The following PDE4C variants were observed in gnomAD, a reference collection of about 807,000 sequenced individuals.
PDE4C encodes the protein 3',5'-cyclic-AMP phosphodiesterase 4C.
A neutral mutation model predicts 63.9 loss-of-function variants in PDE4C; 50 were observed. That is an observed-to-expected ratio of 0.78 (90% confidence interval 0.62 to 0.99). PDE4C has a LOEUF of 0.99. PDE4C is among the 50% of genes least tolerant of loss of function. The probability of loss-of-function intolerance (pLI) is 0.00; values close to 1 mark genes in which losing one functional copy is unlikely to be tolerated. For missense variants in PDE4C, 777 were observed against 899.1 expected (o/e 0.86, Z 1.74); for synonymous variants, 377 against 385.1 (o/e 0.98, Z 0.25).
At chr19:18,217,034 A>C in intron 11 of PDE4C, 139 bp from the exon 12 acceptor site, 1 of 906,140 alleles carries the variant, frequency 1.1e-6, no homozygotes, top group Non-Finnish European at 1.6e-6. Flanking sequence ...GTAAGAAACC[A>C]TCCAGGTCCC....
chr19:18,218,893 G>T (rs2148019933), intron 9 of PDE4C, 47 bp downstream of exon 9: 1 of 1,351,390 alleles, frequency 7.4e-7, no homozygotes, highest in Non-Finnish European at 1.1e-6. Flanking sequence ...AAGCAGTGAG[G>T]GAAACCCCAG....
At position 18,246,010 on chromosome 19, in the gene PDE4C, A is replaced by ATT. The variant is rs752230825; in HGVS notation, c.-210+2159_-210+2160dup. Among the ~76,000 whole-genome samples the ATT allele has an allele frequency of 4.9e-3, 625 of 127,614 alleles. 16 individuals are homozygous for ATT. The highest frequency in any genetic ancestry group is 0.016 in the African/African-American group (526 of 33,372). The allele number at this position is 127,614 out of a possible 152,430, so 83.7% of individuals were successfully genotyped here. ...AGGCACCTGCCACCATGCCCAGCTA[A>ATT]TTTTTTTTTTTTTTTTTTGAGACAG... On this transcript the variant is annotated intron_variant, in intron 1 of 15. Coordinates refer to the PDE4C transcript ENST00000594617.
At chr19:18,208,446 G>C (rs1471324575), downstream of PDE4C, 4 of 152,156 alleles carry the variant, frequency 2.6e-5, 1 homozygote, top group African/African-American at 4.8e-5. Context: ...GGGACCATCA[G>C]GGCTGGAGGA....
intron 1 of PDE4C, among the ~76,000 whole-genome samples, chr19:18,242,475 C>CAAAAAA (rs748870873): frequency 1.7e-4 from 5 of 29,808 alleles, no homozygotes; most frequent in African/African-American, 4.2e-4. Flanking sequence ...GACTCCATCT[C>CAAAAAA]AAAAAAAAAA....
At chr19:18,245,754 G>A (rs1969117240) in intron 1 of PDE4C, among the ~76,000 whole-genome samples, 1 of 152,228 alleles carries the variant, frequency 6.6e-6, no homozygotes, top group Non-Finnish European at 1.5e-5. Flanking sequence ...CATGTGGCTT[G>A]GCACACAGCG....
chr19:18,208,578 C>G (rs1378605575), downstream of PDE4C: 4 of 151,286 alleles, frequency 2.6e-5, no homozygotes, highest in African/African-American at 9.7e-5. Flanking sequence ...TTTGAGCTGG[C>G]AAGAGGACCT....
At chr19:18,226,607 T>A (rs958192526), upstream of PDE4C, 18 of 157,570 alleles carry the variant, frequency 1.1e-4, no homozygotes, top group Admixed American at 4.5e-4. Context: ...CTCTGCTCCT[T>A]TTTTTTTTTT....
chr19:18,218,031 A>C, intron 11 of PDE4C, 118 bp downstream of exon 11: 1 of 769,402 alleles, frequency 1.3e-6, no homozygotes, highest in African/African-American at 1.7e-5. Flanking sequence ...TGTCATAGTC[A>C]TTTCATAGAC....
Position 18,216,898 on chromosome 19 carries a change from G to C in PDE4C, c.1235-3C>G. 6.2e-7 allele frequency: 1 copy of C among 1,608,448 alleles called. No homozygotes were observed. The highest frequency in any genetic ancestry group is 8.5e-7 in the Non-Finnish European group (1 of 1,176,804). On this transcript the variant is annotated splice_polypyrimidine_tract_variant and splice_region_variant and intron_variant, in intron 11 of 14. Transcript: ENST00000262805. ...GTACATAAGCGCCAGCTCTGAGTCT[G>C]TGAGGGTATGGGACTGAGAGCCCCA...
chr19:18,214,374 TG>T (rs1342000311), intron 12 of PDE4C, among the ~76,000 whole-genome samples: 1 of 150,938 alleles, frequency 6.6e-6, no homozygotes. Context: ...CTGAGGACAG[TG>T]GGGAGGATGA....
downstream of PDE4C, chr19:18,210,112 C>T (rs1425572374): frequency 1.3e-5 from 2 of 152,490 alleles, no homozygotes; most frequent in East Asian, 3.8e-4. Flanking sequence ...CCTCCAACTC[C>T]TGGGCTCAAG....
chr19:18,216,998 A>C (rs1968227856), intron 11 of PDE4C, 103 bp from the exon 12 acceptor site: 2 of 1,304,918 alleles, frequency 1.5e-6, no homozygotes. Context: ...CCATGCGTTG[A>C]AGGCCCAACT....
chr19:18,228,549 G>A (rs894885248), upstream of PDE4C, among the ~76,000 whole-genome samples: 1 of 152,168 alleles, frequency 6.6e-6, no homozygotes, highest in African/African-American at 2.4e-5. Context: ...CACTGGATGC[G>A]TTAACTCATT....
chr19:18,233,894 T>TA (rs1183117118), upstream of PDE4C, among the ~76,000 whole-genome samples: 3 of 152,178 alleles, frequency 2.0e-5, no homozygotes, highest in African/African-American at 7.2e-5. Flanking sequence ...TACGTACAGA[T>TA]AGCAGTCTTT....
upstream of PDE4C, among the ~76,000 whole-genome samples, chr19:18,250,633 G>C (rs1012678114): frequency 6.6e-6 from 1 of 152,134 alleles, no homozygotes; most frequent in Non-Finnish European, 1.5e-5. Flanking sequence ...TAGAGACAGG[G>C]TCTCACTCTG....
exon 15 of PDE4C, chr19:18,211,071 T>A: frequency 6.2e-7 from 1 of 1,614,216 alleles, no homozygotes; most frequent in East Asian, 2.2e-5. Context: ...ATCCTCTTCC[T>A]CTGCCTCCTC....
chr19:18,232,866 A>G, intron 1 of PDE4C: 3 of 1,180,738 alleles, frequency 2.5e-6, no homozygotes, highest in Non-Finnish European at 3.3e-6. Flanking sequence ...CGCCCCCTGG[A>G]GAAGCAAGGA....
chr19:18,235,855 G>A (rs1968941224), upstream of PDE4C, among the ~76,000 whole-genome samples: 1 of 151,768 alleles, frequency 6.6e-6, no homozygotes, highest in African/African-American at 2.4e-5. Flanking sequence ...TATACATTCT[G>A]TTCCTTCTGC....
upstream of PDE4C, among the ~76,000 whole-genome samples, chr19:18,230,015 G>T (rs1968818195): frequency 6.6e-6 from 1 of 152,008 alleles, no homozygotes; most frequent in South Asian, 2.1e-4. Flanking sequence ...TTGTCTTTTG[G>T]GTTACAGTTA....
Sources: gnomAD v4.1 joint callset for allele counts (sites outside exome capture counted in the v4.1 genomes callset) on GRCh38, gnomAD v4.1.1 for gene constraint, MANE v1.5 for transcripts, NCBI Gene and HGNC (gene_info 2026-07-23, HGNC 2026-07-21) for gene names.